DLGAP2: variants seen among roughly 807,000 people sequenced by gnomAD.
DLGAP2 encodes DLG associated protein 2, also known as disks large-associated protein 2.
Under a neutral mutation model 100.3 loss-of-function variants are expected in DLGAP2, and 26 were observed. That is an observed-to-expected ratio of 0.26 (90% CI 0.19 to 0.36). The LOEUF (loss-of-function observed/expected upper bound fraction) is 0.36, where lower values mean the gene tolerates loss of function less well. DLGAP2 is among the 10% of genes least tolerant of loss of function. DLGAP2 has a pLI of 1.00. For missense variants in DLGAP2, 1,858 were observed against 1,453.2 expected (o/e 1.28, Z -4.53); for synonymous variants, 886 against 630.1 (o/e 1.41, Z -6.08).
In DLGAP2 at chr8:990,310, G is replaced by C. The variant is rs183201402; in HGVS notation, c.73+82344G>C. On this transcript the variant is annotated intron_variant, in intron 2 of 14. Transcript: ENST00000637795. Reference sequence around the variant, plus strand: ...TGAAGTTTTCTATGAAAGTGGCCCAGACCCCCTGCACCCCCATACTCGGAG... The same window carrying C: ...TGAAGTTTTCTATGAAAGTGGCCCACACCCCCTGCACCCCCATACTCGGAG... Among the ~76,000 whole-genome samples, 218 of 145,478 alleles carry C rather than the reference G, an allele frequency of 1.5e-3. 1 individual carries two copies. Among genetic ancestry groups the C allele is most frequent in the South Asian group, 0.011 (50 of 4,564 alleles).
intron 2 of DLGAP2, among the ~76,000 whole-genome samples, chr8:1,048,205 C>A (rs570974761): frequency 6.6e-6 from 1 of 152,106 alleles, no homozygotes; most frequent in Non-Finnish European, 1.5e-5. Flanking sequence ...ATGAAGAGCA[C>A]GTAGATCGCT....
At chr8:806,077 AT>A (rs1451334763) in intron 1 of DLGAP2, among the ~76,000 whole-genome samples, 4 of 152,206 alleles carry the variant, frequency 2.6e-5, no homozygotes, top group Non-Finnish European at 5.9e-5. Flanking sequence ...TGGAAACCAC[AT>A]GGAAAATTGG....
At chr8:969,650 A>G (rs942654359) in intron 2 of DLGAP2, among the ~76,000 whole-genome samples, 2 of 152,032 alleles carry the variant, frequency 1.3e-5, no homozygotes, top group Non-Finnish European at 2.9e-5. Context: ...AAAGTTCCTT[A>G]TTTCTCTCTT....
At chr8:797,410 A>G (rs1230535820) in intron 1 of DLGAP2, among the ~76,000 whole-genome samples, 2 of 152,226 alleles carry the variant, frequency 1.3e-5, no homozygotes, top group South Asian at 2.1e-4. Context: ...TTGATGATCA[A>G]TCTTCTGCTG....
chr8:1,040,092 C>T (rs1169041175), intron 2 of DLGAP2, among the ~76,000 whole-genome samples: 3 of 74,570 alleles, frequency 4.0e-5, no homozygotes, highest in South Asian at 4.6e-4. Context: ...AGCTCGGTTT[C>T]CGTGGTCGGC....
At chr8:1,417,096 G>T (rs1284618486) in intron 3 of DLGAP2, among the ~76,000 whole-genome samples, 1 of 151,214 alleles carries the variant, frequency 6.6e-6, no homozygotes, top group African/African-American at 2.4e-5. Context: ...TGGGGGGATG[G>T]GGGGGTGGGG....
At chr8:1,246,052 AC>A (rs1391433049) in intron 2 of DLGAP2, among the ~76,000 whole-genome samples, 5 of 152,206 alleles carry the variant, frequency 3.3e-5, no homozygotes, top group Admixed American at 2.6e-4. Context: ...CTATTTATGT[AC>A]TATCAGTGTC....
chr8:1,487,356 T>A (rs539255867), intron 3 of DLGAP2, among the ~76,000 whole-genome samples: 58 of 152,320 alleles, frequency 3.8e-4, no homozygotes, highest in African/African-American at 1.4e-3. Context: ...TTACAGAGAT[T>A]CAGGGAAGAA....
intron 2 of DLGAP2, among the ~76,000 whole-genome samples, chr8:1,001,664 T>C (rs1028835797): frequency 2.6e-5 from 4 of 152,096 alleles, no homozygotes; most frequent in African/African-American, 9.7e-5. Flanking sequence ...CAAAGTAATA[T>C]TGATGTTATA....
chr8:1,435,800 T>TGA (rs1797603179), intron 3 of DLGAP2, among the ~76,000 whole-genome samples: 1 of 151,902 alleles, frequency 6.6e-6, no homozygotes, highest in Non-Finnish European at 1.5e-5. Context: ...TGGAAGATGG[T>TGA]GATATCGACA....
chr8:1,458,095 A>AT (rs1372102002), intron 3 of DLGAP2, among the ~76,000 whole-genome samples: 2 of 148,536 alleles, frequency 1.3e-5, no homozygotes, highest in East Asian at 3.9e-4. Context: ...TTTAGTAGAG[A>AT]CGGGGTTTCA....
intron 2 of DLGAP2, among the ~76,000 whole-genome samples, chr8:1,123,235 CA>C (rs1314011362): frequency 6.6e-5 from 10 of 152,156 alleles, no homozygotes; most frequent in African/African-American, 2.4e-4. Flanking sequence ...ATGGCTTTTG[CA>C]TTCTAAAATG....
chr8:962,155 A>G (rs554457565), intron 2 of DLGAP2, among the ~76,000 whole-genome samples: 117 of 152,292 alleles, frequency 7.7e-4, no homozygotes, highest in African/African-American at 2.2e-3. Flanking sequence ...TTTTCTTATA[A>G]TTTGCATTAT....
chr8:1,429,923 C>G (rs773926645), intron 3 of DLGAP2, among the ~76,000 whole-genome samples: 1 of 145,688 alleles, frequency 6.9e-6, no homozygotes, highest in African/African-American at 2.5e-5. Context: ...TCATCATACA[C>G]GGCCTTCTGC....
intron 2 of DLGAP2, among the ~76,000 whole-genome samples, chr8:1,121,660 C>G (rs562816609): frequency 2.0e-5 from 3 of 151,970 alleles, no homozygotes; most frequent in African/African-American, 7.2e-5. Flanking sequence ...ATCCTCATGT[C>G]TTCAGAACCC....
intron 2 of DLGAP2, among the ~76,000 whole-genome samples, chr8:1,162,130 G>A (rs1014552049): frequency 6.6e-6 from 1 of 152,236 alleles, no homozygotes; most frequent in East Asian, 1.9e-4. Context: ...TCCACAGGAG[G>A]CTACGGAGGC....
chr8:1,421,375 G>A (rs868423542), intron 3 of DLGAP2, among the ~76,000 whole-genome samples: 1 of 152,130 alleles, frequency 6.6e-6, no homozygotes, highest in African/African-American at 2.4e-5. Flanking sequence ...TGTGACTGCA[G>A]TTCATCAATC....
chr8:1,275,964 TA>T (rs1799683340), intron 3 of DLGAP2, among the ~76,000 whole-genome samples: 12 of 127,506 alleles, frequency 9.4e-5, no homozygotes, highest in South Asian at 6.6e-4. Context: ...AATAAATATA[TA>T]ATATATATAA....
chr8:1,699,200 G>C (rs1002379818), intron 14 of DLGAP2, among the ~76,000 whole-genome samples: 2 of 152,220 alleles, frequency 1.3e-5, no homozygotes, highest in African/African-American at 2.4e-5. Context: ...GCTGCGCATA[G>C]AGTATGATTC....
Sources: allele counts gnomAD v4.1 joint callset (sites outside exome capture counted in the v4.1 genomes callset), GRCh38; gene constraint gnomAD v4.1.1; transcripts MANE v1.5; gene names NCBI Gene and HGNC (gene_info 2026-07-23, HGNC 2026-07-21).